Variants in DNAH6 observed in about 807,000 individuals in gnomAD.
The protein encoded by DNAH6 is dynein axonemal heavy chain 6.
In DNAH6, 340 loss-of-function variants were observed where a neutral mutation model predicts 491.4. The ratio of observed to expected loss-of-function variants is 0.69; its 90% CI spans 0.63 to 0.76. DNAH6 has a LOEUF of 0.76. Among genes scored for constraint, DNAH6 ranks in the 30% least tolerant of loss-of-function variants. The pLI is 0.00. For synonymous variants in DNAH6, 1,603 were observed against 1,686.1 expected (o/e 0.95, Z 1.21); for missense variants, 4,443 against 4,972.2 (o/e 0.89, Z 3.20).
At chr2:84,805,866 C>T in intron 71 of DNAH6, 72 bp downstream of exon 71, 1 of 1,408,478 alleles carries the variant, frequency 7.1e-7, no homozygotes, top group Admixed American at 2.5e-5. Flanking sequence ...GAGTGATAAA[C>T]AGGTGTCAAA....
At chr2:84,754,709 A>G (rs1336763923) in intron 63 of DNAH6, among the ~76,000 whole-genome samples, 1 of 152,242 alleles carries the variant, frequency 6.6e-6, no homozygotes, top group Non-Finnish European at 1.5e-5. Flanking sequence ...TTTACAATCC[A>G]GTAGCATGAC....
chr2:84,737,001 C>A (rs1454888630), intron 62 of DNAH6, among the ~76,000 whole-genome samples: 1 of 151,882 alleles, frequency 6.6e-6, no homozygotes, highest in Non-Finnish European at 1.5e-5. Flanking sequence ...GAGGTATATT[C>A]CTTTGATGCC....
chr2:84,764,852 C>G (rs899260757), intron 64 of DNAH6, among the ~76,000 whole-genome samples: 1 of 152,028 alleles, frequency 6.6e-6, no homozygotes, highest in Non-Finnish European at 1.5e-5. Flanking sequence ...TAAGTTGATT[C>G]CGTATCGTTG....
chr2:84,768,482 G>T (rs535843586), intron 64 of DNAH6, among the ~76,000 whole-genome samples: 8 of 151,226 alleles, frequency 5.3e-5, no homozygotes, highest in Admixed American at 4.6e-4. Flanking sequence ...GAAATTTAAA[G>T]TTCCTCAAAA....
At chr2:84,595,216 A>G (rs960965946) in intron 17 of DNAH6, among the ~76,000 whole-genome samples, 1 of 152,226 alleles carries the variant, frequency 6.6e-6, no homozygotes, top group Non-Finnish European at 1.5e-5. Context: ...ATATGTTTAC[A>G]TAATTGAGAA....
Position 84,681,360 on chromosome 2 carries a change from A to G in DNAH6, c.6748A>G (p.Ile2250Val). 1.3e-6 allele frequency: 2 copies of G among 1,541,182 alleles called. No individual in the cohort carries two copies. The highest frequency in any genetic ancestry group is 1.4e-5 in the African/African-American group (1 of 72,610). ...CATATTATGTTTCTGGTTCTAGGCC[A>G]TCTTAAATGGTTTCCTGAGTGACTT... ...EHSLKQIFQA[I>V]LNGFLSDFPP... Residue 2250 changes from isoleucine (I) to valine (V), a missense_variant, in exon 42 of 77, where the codon ATC becomes GTC. Physicochemically the swap from Ile to Val is conservative, Grantham distance 29 (BLOSUM62 3). Around this residue, in one of 3 missense-constraint regions of DNAH6, gnomAD observed 2,977 missense variants for 3,296.6 expected, o/e 0.90. Transcript: ENST00000389394.
At chr2:84,737,562 G>A (rs577165853) in intron 62 of DNAH6, among the ~76,000 whole-genome samples, 1 of 151,910 alleles carries the variant, frequency 6.6e-6, no homozygotes, top group Non-Finnish European at 1.5e-5. Flanking sequence ...TTGGGAGGTT[G>A]TGTGTTTCCA....
Position 84,709,544 on chromosome 2 carries a change from C to G in DNAH6, c.9250C>G (p.Gln3084Glu), listed in dbSNP as rs1216607952. The G allele has an allele frequency of 1.3e-6, 2 of 1,551,458 alleles. No homozygotes were observed. The highest frequency in any genetic ancestry group is 2.0e-5 in the Admixed American group (1 of 50,986). The change falls in exon 55 of 77, where the codon CAG (glutamine) becomes GAG (glutamate). Residue 3084 changes from glutamine (Q) to glutamate (E), a missense_variant and splice_region_variant. Gln to Glu is a conservative substitution (Grantham distance 29, BLOSUM62 2). Around this residue, in one of 3 missense-constraint regions of DNAH6, gnomAD observed 1,463 missense variants for 1,656.6 expected, o/e 0.88. Transcript: ENST00000389394. ...RWPLMIDPQD[Q>E]ANRWIRNKES... ...GCCTTTGATGATTGATCCCCAAGATCAGGTGTGTAGCAAATGCTTAAGAGA... is the reference window on the plus strand; with the variant it reads ...GCCTTTGATGATTGATCCCCAAGATGAGGTGTGTAGCAAATGCTTAAGAGA...
At chr2:84,753,755 T>TAAAAAAAAAAAAAAAAAAAA (rs1162541312) in intron 63 of DNAH6, among the ~76,000 whole-genome samples, 6 of 77,126 alleles carry the variant, frequency 7.8e-5, no homozygotes, top group East Asian at 4.1e-4. Flanking sequence ...GAAACTCTGT[T>TAAAAAAAAAAAAAAAAAAAA]AAAAAAAAAA....
chr2:84,480,791 C>T, the DNAH6 span, among the ~76,000 whole-genome samples: 1 of 152,020 alleles, frequency 6.6e-6, no homozygotes, highest in Admixed American at 6.6e-5. Context: ...GGAGAAACCC[C>T]GTCTCTACTG....
chr2:84,518,304 G>A (rs1675785700), intron 2 of DNAH6, among the ~76,000 whole-genome samples: 1 of 152,174 alleles, frequency 6.6e-6, no homozygotes, highest in Non-Finnish European at 1.5e-5. Flanking sequence ...CTAGGATTAT[G>A]TACAATACAG....
chr2:84,703,423 C>T lies in DNAH6; in HGVS notation c.8090C>T (p.Thr2697Ile), dbSNP rs1017348578. 2.6e-6 allele frequency: 4 copies of T among 1,542,192 alleles called. No homozygotes were observed. The East Asian group carries it at 9.8e-5, about 38-fold the overall frequency. The change falls in exon 50 of 77, where the codon ACC (threonine) becomes ATC (isoleucine). Residue 2697 changes from threonine (T) to isoleucine (I), a missense_variant. Physicochemically the swap from Thr to Ile is moderately conservative, Grantham distance 89. Transcript: ENST00000389394. Reference protein sequence around the residue: ...SARDRVKNGLTKLLETNILVD... With the variant: ...SARDRVKNGLIKLLETNILVD... The stretch of plus-strand genomic sequence containing the variant: ...CGAGATCGGGTGAAGAATGGTCTCA[C>T]CAAGCTACTAGAAACAAACATACTA...
intron 37 of DNAH6, among the ~76,000 whole-genome samples, chr2:84,665,133 A>G (rs1300099080): frequency 3.3e-5 from 5 of 152,340 alleles, no homozygotes; most frequent in African/African-American, 1.2e-4. Context: ...CTAAATGCCC[A>G]CAAGAGAAAG....
At chr2:84,568,924 C>T (rs1226697610) in intron 11 of DNAH6, among the ~76,000 whole-genome samples, 1 of 152,108 alleles carries the variant, frequency 6.6e-6, no homozygotes, top group Non-Finnish European at 1.5e-5. Flanking sequence ...GGTAAACAAA[C>T]GCTCTCACAT....
Position 84,694,268 on chromosome 2 carries a change from C to T in DNAH6, c.7312C>T (p.Gln2438Ter). 1 of 1,551,990 alleles carries T rather than the reference C, an allele frequency of 6.4e-7. No individual in the cohort carries two copies. Among genetic ancestry groups the T allele is most frequent in the Non-Finnish European group, 8.7e-7 (1 of 1,147,028 alleles). ...HVSRIARMIRQERGNALLVGV... is the reference protein window; with the variant it reads ...HVSRIARMIR ...TTGCAGGATTGCTCGGATGATACGT[C>T]AAGAAAGAGGCAATGCCCTGCTTGT... Residue 2438 changes from glutamine (Q) to a stop codon, truncating the protein, a stop_gained, in exon 46 of 77, where the codon CAA becomes TAA. Transcript: ENST00000389394. LOFTEE classifies it high-confidence loss of function.
chr2:84,721,605 A>G (rs930049695), intron 59 of DNAH6, among the ~76,000 whole-genome samples: 1 of 152,232 alleles, frequency 6.6e-6, no homozygotes, highest in East Asian at 1.9e-4. Context: ...AAAATATCTC[A>G]GTAACTTTTA....
At chr2:84,793,773 T>C (rs549008612) in intron 68 of DNAH6, among the ~76,000 whole-genome samples, 16 of 152,344 alleles carry the variant, frequency 1.1e-4, no homozygotes, top group African/African-American at 3.6e-4. Flanking sequence ...CTGAGTGGCT[T>C]GTCCAACAAG....
chr2:84,553,627 TA>T (rs1444539830), intron 10 of DNAH6, among the ~76,000 whole-genome samples: 177 of 85,638 alleles, frequency 2.1e-3, no homozygotes, highest in African/African-American at 8.1e-3. Flanking sequence ...CAGGACTGGC[TA>T]TTTTTTTTTT....
the DNAH6 span, among the ~76,000 whole-genome samples, chr2:84,508,797 T>TTTC: frequency 6.6e-6 from 1 of 152,236 alleles, no homozygotes; most frequent in Non-Finnish European, 1.5e-5. Context: ...AAACAACATC[T>TTTC]TTATTTCTGC....
Sources: gnomAD v4.1 joint callset for allele counts (sites outside exome capture counted in the v4.1 genomes callset) on GRCh38, gnomAD v4.1.1 for gene constraint, gnomAD v4.1.1 regional missense constraint, MANE v1.5 for transcripts, NCBI Gene and HGNC (gene_info 2026-07-23, HGNC 2026-07-21) for gene names.